The following TPPP variants were observed in gnomAD, a reference collection of about 807,000 sequenced individuals.
The protein encoded by TPPP is tubulin polymerization promoting protein, also known as tubulin polymerization-promoting protein.
In TPPP, 6 loss-of-function variants were observed where a neutral mutation model predicts 15.5. The observed-to-expected ratio is 0.39, with a 90% CI of 0.21 to 0.77. The LOEUF is 0.77. Among genes scored for constraint, TPPP ranks in the 30% least tolerant of loss-of-function variants. The pLI, the probability that TPPP is intolerant of heterozygous loss-of-function variation, is 0.42. For missense variants in TPPP, 269 were observed against 307.2 expected, an observed-to-expected ratio of 0.88 and a Z score of 0.93; for synonymous variants, 146 against 133.9, an observed-to-expected ratio of 1.09 and a Z score of -0.63.
At chr5:684,933 C>T (rs1462470578) in intron 1 of TPPP, among the ~76,000 whole-genome samples, 1 of 152,180 alleles carries the variant, frequency 6.6e-6, no homozygotes, top group Admixed American at 6.5e-5. Context: ...CGCTCCAGCC[C>T]AGCATCCCCA....
chr5:695,560 G>A (rs1463907343), upstream of TPPP, among the ~76,000 whole-genome samples: 1 of 149,992 alleles, frequency 6.7e-6, no homozygotes, highest in Non-Finnish European at 1.5e-5. Flanking sequence ...TAGGAGGCCA[G>A]AAGTCCGAGA....
chr5:685,455 C>T (rs989457477), intron 1 of TPPP, among the ~76,000 whole-genome samples: 2 of 152,234 alleles, frequency 1.3e-5, no homozygotes, highest in African/African-American at 2.4e-5. Context: ...TCACCACAAC[C>T]GCATGGCCTC....
chr5:667,942 G>A (rs1352987239), intron 2 of TPPP, among the ~76,000 whole-genome samples: 1 of 60,230 alleles, frequency 1.7e-5, no homozygotes, highest in Non-Finnish European at 2.8e-5. Flanking sequence ...AGAGGGGGCC[G>A]TGTGGGCGCC....
At chr5:671,167 C>T (rs954247834) in intron 2 of TPPP, among the ~76,000 whole-genome samples, 1 of 152,114 alleles carries the variant, frequency 6.6e-6, no homozygotes, top group Non-Finnish European at 1.5e-5. Flanking sequence ...GGGATCAGCG[C>T]ACTGTCTCCC....
At chr5:668,677 G>C (rs989184569) in intron 2 of TPPP, among the ~76,000 whole-genome samples, 2 of 152,274 alleles carry the variant, frequency 1.3e-5, no homozygotes, top group Admixed American at 6.5e-5. Context: ...CAGCAGTCCC[G>C]TTCCTGGGTC....
intron 2 of TPPP, among the ~76,000 whole-genome samples, chr5:668,722 A>G (rs940657788): frequency 6.6e-5 from 10 of 152,266 alleles, no homozygotes; most frequent in African/African-American, 2.2e-4. Flanking sequence ...AGGCTCACAC[A>G]TAAACGCAAA....
At chr5:698,426 G>C in the TPPP span, among the ~76,000 whole-genome samples, 2 of 152,018 alleles carry the variant, frequency 1.3e-5, no homozygotes, top group Non-Finnish European at 2.9e-5. Context: ...CTGAAGACTT[G>C]TATCACTGCT....
Position 676,868 on chromosome 5 carries a change from G to A in TPPP, c.311+882C>T, listed in dbSNP as rs916058443. Among the ~76,000 whole-genome samples the A allele has an allele frequency of 3.4e-5, 5 of 146,384 alleles. No individual in the cohort carries two copies. In the East Asian group the frequency reaches 5.9e-4, roughly 17 times the overall value. On this transcript the variant is annotated intron_variant, in intron 2 of 3. Coordinates refer to ENST00000360578, the MANE Select transcript of TPPP (RefSeq NM_007030.3). Reference sequence around the variant, plus strand: ...CGACACAGAAACGCGCACACACGACGCAGAAACATGCACACACGACGCAGA... The same window carrying A: ...CGACACAGAAACGCGCACACACGACACAGAAACATGCACACACGACGCAGA...
intron 2 of TPPP, among the ~76,000 whole-genome samples, chr5:672,132 C>A (rs2126885384): frequency 6.6e-6 from 1 of 152,352 alleles, no homozygotes; most frequent in African/African-American, 2.4e-5. Flanking sequence ...GTACTGGGAA[C>A]AGTCCGAAGA....
intron 2 of TPPP, among the ~76,000 whole-genome samples, chr5:677,016 G>A (rs907418156): frequency 6.7e-5 from 10 of 149,266 alleles, no homozygotes; most frequent in South Asian, 2.1e-4. Context: ...ACGCAGAAAC[G>A]CGCACACGTG....
chr5:697,072 G>T (rs533634367), upstream of TPPP, among the ~76,000 whole-genome samples: 77 of 147,844 alleles, frequency 5.2e-4, no homozygotes, highest in African/African-American at 1.8e-3. Context: ...ACCTGTGTGT[G>T]TGCACGTGCC....
upstream of TPPP, among the ~76,000 whole-genome samples, chr5:697,691 C>A (rs1480360636): frequency 2.6e-4 from 40 of 152,022 alleles, no homozygotes; most frequent in African/African-American, 9.4e-4. Context: ...AGTGGCTTCA[C>A]TTGTTGTGTG....
At chr5:671,853 G>A (rs558790324) in intron 2 of TPPP, among the ~76,000 whole-genome samples, 3 of 152,346 alleles carry the variant, frequency 2.0e-5, no homozygotes, top group South Asian at 2.1e-4. Flanking sequence ...AGCAATGGAG[G>A]GACAGGGTTG....
intron 3 of TPPP, 106 bp from the exon 4 acceptor site, chr5:665,402 G>C: frequency 9.7e-7 from 1 of 1,032,204 alleles, no homozygotes; most frequent in Non-Finnish European, 1.4e-6. Context: ...GGGGCACTGG[G>C]CAAGGGGCAT....
rs890111709 is a variant in TPPP, at chr5:663,716, C to A, written c.*1386G>T. On this transcript the variant is annotated 3_prime_UTR_variant, in exon 4 of 4. Transcript: ENST00000360578. ...GAGCCTGGCCCTGGGCAGCCCTCTG[C>A]CCTGGCCAGAGCCTGACCGTAGCCA... 3 of 152,412 alleles carry A rather than the reference C, an allele frequency of 2.0e-5. No individual in the cohort carries two copies. The highest frequency in any genetic ancestry group is 6.5e-5 in the Admixed American group (1 of 15,290). 9.4% of individuals were successfully genotyped at this position (152,412 alleles called of 1,614,324 possible). A position where few individuals can be genotyped will look rare whatever the true frequency, so the allele number is the denominator to read the frequency against.
chr5:666,890 GT>G (rs1739938855), intron 2 of TPPP: 1 of 152,232 alleles, frequency 6.6e-6, no homozygotes, highest in East Asian at 1.9e-4. Context: ...CCAAAGTGGG[GT>G]TTTTCAGTGT....
chr5:673,179 C>T (rs977303905), intron 2 of TPPP, among the ~76,000 whole-genome samples: 10 of 152,196 alleles, frequency 6.6e-5, no homozygotes, highest in Non-Finnish European at 1.3e-4. Flanking sequence ...AGGCCCGCCG[C>T]CACCACCCCT....
intron 2 of TPPP, among the ~76,000 whole-genome samples, chr5:677,085 C>T (rs72707043): frequency 0.12 from 18,093 of 152,280 alleles, 1,388 homozygotes; most frequent in South Asian, 0.18. Context: ...GTGCACACGA[C>T]GCAGAAAAAG....
chr5:692,444 G>C, intron 1 of TPPP: 1 of 643,634 alleles, frequency 1.6e-6, no homozygotes, highest in Non-Finnish European at 1.8e-6. Flanking sequence ...CAAAATAGCA[G>C]CCTCCCAACC....
Sources: allele counts gnomAD v4.1 joint callset (sites outside exome capture counted in the v4.1 genomes callset), GRCh38; gene constraint gnomAD v4.1.1; transcripts MANE v1.5; gene names NCBI Gene and HGNC (gene_info 2026-07-23, HGNC 2026-07-21).